RABGEF1: variants seen among roughly 807,000 people sequenced by gnomAD.
RABGEF1 encodes rab5 GDP/GTP exchange factor.
RABGEF1 carries 26 observed loss-of-function variants against 57.3 expected under a neutral mutation model. That is an observed-to-expected ratio of 0.45 (90% CI 0.33 to 0.63). RABGEF1 has a LOEUF of 0.63. Among genes scored for constraint, RABGEF1 ranks in the 20% least tolerant of loss-of-function variants. RABGEF1 has a pLI of 0.02. For missense variants in RABGEF1, 464 were observed against 607.6 expected (o/e 0.76, Z 2.48); for synonymous variants, 185 against 210.7 (o/e 0.88, Z 1.06).
intron 1 of RABGEF1, among the ~76,000 whole-genome samples, chr7:66,686,449 G>GTC (rs1790650049): frequency 6.6e-6 from 1 of 152,172 alleles, no homozygotes; most frequent in African/African-American, 2.4e-5. Context: ...TACAGCCTGC[G>GTC]TGACAGAGTG....
chr7:66,674,851 G>A, the RABGEF1 span, among the ~76,000 whole-genome samples: 1 of 151,882 alleles, frequency 6.6e-6, no homozygotes, highest in East Asian at 1.9e-4. Flanking sequence ...GTTTCATCTT[G>A]ATCTAGGTGG....
chr7:66,720,197 T>C (rs6948921), intron 2 of RABGEF1, among the ~76,000 whole-genome samples: 1 of 133,342 alleles, frequency 7.5e-6, no homozygotes, highest in Non-Finnish European at 1.6e-5. Context: ...TATTATTATT[T>C]TTTTTTTTTT....
At position 66,802,007 on chromosome 7, in the gene RABGEF1, T is replaced by C. The variant is rs562378190; in HGVS notation, c.820+2593T>C. Among the ~76,000 whole-genome samples, 72 of 152,298 alleles carry C rather than the reference T, an allele frequency of 4.7e-4. No homozygotes were observed. The South Asian group carries it at 0.014, about 29-fold the overall frequency. ...TCACTGCAGCCTTGACCTCACAGGC[T>C]CAAGCGATCCGTCCGCCTCAGCCTC... On this transcript the variant is annotated intron_variant, in intron 7 of 8. Transcript: ENST00000284957.
chr7:66,691,600 C>T (rs1035695473), intron 1 of RABGEF1, among the ~76,000 whole-genome samples: 1 of 152,176 alleles, frequency 6.6e-6, no homozygotes, highest in Admixed American at 6.6e-5. Context: ...TCAGTAGAAA[C>T]TGTACTTCAA....
intron 2 of RABGEF1, among the ~76,000 whole-genome samples, chr7:66,726,760 T>C (rs1271388668): frequency 1.3e-5 from 2 of 152,064 alleles, no homozygotes; most frequent in Admixed American, 6.6e-5. Context: ...TCCCAACCCT[T>C]TGGGAGGCTG....
chr7:66,688,818 G>C (rs971942429), intron 1 of RABGEF1, among the ~76,000 whole-genome samples: 1 of 152,194 alleles, frequency 6.6e-6, no homozygotes, highest in African/African-American at 2.4e-5. Context: ...AGAAAGCCAG[G>C]AGTGGTGGCT....
chr7:66,741,160 G>A (rs984032179), intron 1 of RABGEF1, among the ~76,000 whole-genome samples: 7 of 152,176 alleles, frequency 4.6e-5, no homozygotes, highest in African/African-American at 1.4e-4. Context: ...CCAGGCCGCT[G>A]GCTCCGAAGC....
At chr7:66,731,532 C>T (rs774207277) in intron 2 of RABGEF1, among the ~76,000 whole-genome samples, 4 of 151,444 alleles carry the variant, frequency 2.6e-5, no homozygotes, top group Non-Finnish European at 5.9e-5. Flanking sequence ...GCCTGGGCAA[C>T]ATGGTGAAAC....
At chr7:66,801,780 G>A (rs551037515) in intron 7 of RABGEF1, among the ~76,000 whole-genome samples, 12 of 152,200 alleles carry the variant, frequency 7.9e-5, no homozygotes, top group Non-Finnish European at 1.3e-4. Flanking sequence ...TCTGTTGACA[G>A]ACACCCTTTC....
intron 1 of RABGEF1, among the ~76,000 whole-genome samples, chr7:66,698,107 C>T (rs905183728): frequency 7.2e-5 from 11 of 152,034 alleles, no homozygotes; most frequent in Admixed American, 5.2e-4. Context: ...ACGCACCCCC[C>T]CCACCCTCAG....
intron 1 of RABGEF1, among the ~76,000 whole-genome samples, chr7:66,750,287 A>G (rs1402395612): frequency 6.6e-6 from 1 of 152,234 alleles, no homozygotes; most frequent in African/African-American, 2.4e-5. Flanking sequence ...TTTCATACCC[A>G]TATGCTAACT....
chr7:66,702,446 C>G (rs970883012), intron 1 of RABGEF1, among the ~76,000 whole-genome samples: 1 of 150,452 alleles, frequency 6.6e-6, no homozygotes, highest in African/African-American at 2.4e-5. Flanking sequence ...TGTGAACCTT[C>G]ATCTACAAGT....
intron 1 of RABGEF1, among the ~76,000 whole-genome samples, chr7:66,764,242 C>G (rs1805142731): frequency 6.6e-6 from 1 of 152,198 alleles, no homozygotes; most frequent in African/African-American, 2.4e-5. Context: ...AACATCTTTT[C>G]ATATACTCAC....
upstream of RABGEF1, among the ~76,000 whole-genome samples, chr7:66,678,389 C>T (rs1205088775): frequency 6.6e-6 from 1 of 151,570 alleles, no homozygotes; most frequent in Non-Finnish European, 1.5e-5. Flanking sequence ...CACGGTGAAA[C>T]CCTGTTTCTA....
At chr7:66,681,868 TG>T (rs1789773270), upstream of RABGEF1, among the ~76,000 whole-genome samples, 1 of 152,030 alleles carries the variant, frequency 6.6e-6, no homozygotes, top group South Asian at 2.1e-4. Context: ...CTCCCGCTGC[TG>T]CGCATCGGGA....
At chr7:66,791,148 C>G (rs1436304026) in intron 4 of RABGEF1, among the ~76,000 whole-genome samples, 1 of 152,198 alleles carries the variant, frequency 6.6e-6, no homozygotes, top group Non-Finnish European at 1.5e-5. Context: ...TGTCTAGCTG[C>G]TAAAAATGAC....
intron 1 of RABGEF1, among the ~76,000 whole-genome samples, chr7:66,688,803 A>G (rs1024400980): frequency 6.6e-5 from 10 of 152,192 alleles, no homozygotes; most frequent in Non-Finnish European, 1.0e-4. Flanking sequence ...CTACCTTTAA[A>G]AATAAGAAAG....
At chr7:66,681,634 C>A (rs760973061), upstream of RABGEF1, among the ~76,000 whole-genome samples, 6 of 152,100 alleles carry the variant, frequency 3.9e-5, no homozygotes, top group Non-Finnish European at 8.8e-5. Context: ...GAACTCCTGG[C>A]CTCAAGCGAT....
At chr7:66,762,495 C>T (rs6975044) in intron 1 of RABGEF1, among the ~76,000 whole-genome samples, 50,724 of 151,758 alleles carry the variant, frequency 0.33, 8,833 homozygotes, top group Middle Eastern at 0.48. Context: ...GAGGCTGAGA[C>T]GAGAGGGTCG....
Sources: gnomAD v4.1 joint callset for allele counts (sites outside exome capture counted in the v4.1 genomes callset) on GRCh38, gnomAD v4.1.1 for gene constraint, MANE v1.5 for transcripts, NCBI Gene and HGNC (gene_info 2026-07-23, HGNC 2026-07-21) for gene names.